Variants in SYTL5 observed in about 807,000 individuals in gnomAD.
SYTL5 encodes the protein synaptotagmin-like protein 5.
In SYTL5, 34 loss-of-function variants were observed where a neutral mutation model predicts 55.9. The observed-to-expected ratio is 0.61, with a 90% CI of 0.46 to 0.81. SYTL5 has a LOEUF of 0.81. Among genes scored for constraint, SYTL5 ranks in the 30% least tolerant of loss-of-function variants. The pLI, the probability that SYTL5 is intolerant of heterozygous loss-of-function variation, is 0.00. For synonymous variants in SYTL5, 221 were observed against 188.7 expected (o/e 1.17, Z -1.40); for missense variants, 637 against 546.7 (o/e 1.17, Z -1.65).
the SYTL5 span, among the ~76,000 whole-genome samples, chrX:37,908,731 C>T: frequency 5.5e-5 from 6 of 108,660 alleles, no homozygotes; most frequent in South Asian, 2.3e-3. Context: ...CTGCACCTTG[C>T]CTGTGTGTGT....
chrX:38,039,823 C>T (rs1434039027), intron 2 of SYTL5, among the ~76,000 whole-genome samples: 2 of 111,847 alleles, frequency 1.8e-5, no homozygotes, highest in Non-Finnish European at 3.8e-5. Flanking sequence ...TTTTATTCAG[C>T]TCTAGCAGTG....
chrX:38,058,201 G>C, intron 3 of SYTL5, among the ~76,000 whole-genome samples: 1 of 111,116 alleles, frequency 9.0e-6, no homozygotes. Context: ...GAGTATCCTA[G>C]ATAACTCTAT....
chrX:37,898,928 G>C, the SYTL5 span, among the ~76,000 whole-genome samples: 5 of 111,739 alleles, frequency 4.5e-5, no homozygotes, highest in Non-Finnish European at 9.4e-5. Context: ...TCTCACCTAA[G>C]AGCCCACATT....
the SYTL5 span, chrX:37,990,695 A>G: frequency 1.2e-6 from 1 of 851,264 alleles, no homozygotes; most frequent in Non-Finnish European, 1.6e-6. Context: ...AAGTCTAGGG[A>G]TGTCACAAAG....
intron 6 of SYTL5, among the ~76,000 whole-genome samples, chrX:38,087,260 A>G (rs920121586): frequency 1.8e-5 from 2 of 111,820 alleles, no homozygotes; most frequent in Non-Finnish European, 1.9e-5. Context: ...TGTTCTAAAG[A>G]ACCTATGGTC....
chrX:38,103,990 C>G (rs902963225), intron 10 of SYTL5, among the ~76,000 whole-genome samples: 3 of 111,734 alleles, frequency 2.7e-5, no homozygotes, highest in Non-Finnish European at 5.7e-5. Flanking sequence ...TATTACTTAC[C>G]ACTAATAGGA....
At chrX:37,995,439 G>A in the SYTL5 span, among the ~76,000 whole-genome samples, 1 of 111,851 alleles carries the variant, frequency 8.9e-6, no homozygotes, top group Non-Finnish European at 1.9e-5. Context: ...CTTGCCACAT[G>A]ATTTCCACTG....
rs778815414 is a variant in SYTL5 at position 38,122,102 on chromosome X, AAAG to A, written c.1735_1737del (p.Lys579del). 1.9e-4 allele frequency: 230 copies of A among 1,191,886 alleles called. 2 individuals are homozygous for A. The East Asian group carries it at 6.4e-3, about 33-fold the overall frequency. On this transcript the variant is annotated inframe_deletion, in exon 15 of 17. Coordinates refer to ENST00000297875, the MANE Select transcript of SYTL5 (RefSeq NM_138780.3). ...CAGGAAATAAGACTTTTAAAAAGGG[AAAG>A]AAGAAGGAGTCACCTGTAATCTCTG...
chrX:37,993,073 T>C, the SYTL5 span, among the ~76,000 whole-genome samples: 7 of 111,642 alleles, frequency 6.3e-5, no homozygotes, highest in East Asian at 2.0e-3. Flanking sequence ...AATAGACAAA[T>C]GGACAAAAGA....
At chrX:38,108,076 C>A (rs1175167390) in intron 11 of SYTL5, among the ~76,000 whole-genome samples, 1 of 111,847 alleles carries the variant, frequency 8.9e-6, no homozygotes, top group Non-Finnish European at 1.9e-5. Flanking sequence ...TTCTTTTACT[C>A]ACCCATTACC....
intron 7 of SYTL5, among the ~76,000 whole-genome samples, chrX:38,092,660 C>G (rs1936829440): frequency 9.0e-6 from 1 of 111,323 alleles, no homozygotes; most frequent in East Asian, 2.8e-4. Context: ...GTAGGTCTTC[C>G]TCTCTCAGTC....
chrX:38,122,098 A>G lies in SYTL5; in HGVS notation c.1724A>G (p.Lys575Arg), dbSNP rs200512943. The part of the protein sequence containing the change: ...EQLQGNKTFK[K>R]GKKKESPVIS... ...GACACAGGAAATAAGACTTTTAAAA[A>G]GGGAAAGAAGAAGGAGTCACCTGTA... The change falls in exon 15 of 17, where the codon AAG becomes AGG. Residue 575 changes from lysine to arginine, a missense_variant. Physicochemically the swap from Lys to Arg is conservative, Grantham distance 26. Coordinates refer to ENST00000297875, the MANE Select transcript of SYTL5 (RefSeq NM_138780.3). 6.7e-6 allele frequency: 8 copies of G among 1,186,782 alleles called. No individual in the cohort carries two copies. Among genetic ancestry groups the G allele is most frequent in the South Asian group, 3.9e-5 (2 of 51,413 alleles).
chrX:38,120,424 C>T lies in SYTL5; in HGVS notation c.1663C>T (p.Pro555Ser), dbSNP rs770179535. Residue 555 changes from proline (P) to serine (S), a missense_variant, in exon 14 of 17, where the codon CCC becomes TCC. Pro to Ser is a moderately conservative substitution (Grantham distance 74). Coordinates refer to ENST00000297875, the MANE Select transcript of SYTL5 (RefSeq NM_138780.3). ...GCTGACAGTTGTTTTACGTTACATT[C>T]CCCCAGAAGAGAACCTGATGCTTCC... ...GELTVVLRYI[P>S]PEENLMLPPE... The T allele has an allele frequency of 8.3e-7, 1 of 1,210,189 alleles. No homozygotes were observed. Among genetic ancestry groups the T allele is most frequent in the Admixed American group, 2.2e-5 (1 of 45,995 alleles).
At position 38,067,978 on chromosome X, in the gene SYTL5, A is replaced by G. The variant is rs187894117; in HGVS notation, c.330-4069A>G. ...TAAAAAATTTTACACAGCAAAAGAA[A>G]CTAACAGAGCAAACAGACAACCCAC... On this transcript the variant is annotated intron_variant, in intron 3 of 16. Coordinates refer to ENST00000297875, the MANE Select transcript of SYTL5 (RefSeq NM_138780.3). 8.4e-3 allele frequency among the ~76,000 whole-genome samples: 946 copies of G among 112,331 alleles called. 10 individuals are homozygous for G. The highest frequency in any genetic ancestry group is 0.029 in the African/African-American group (907 of 30,944).
chrX:37,982,686 A>G, the SYTL5 span, among the ~76,000 whole-genome samples: 366 of 111,751 alleles, frequency 3.3e-3, 1 homozygote, highest in African/African-American at 0.011. Flanking sequence ...GGTGGGAGAA[A>G]AGCCATATTG....
At chrX:37,978,704 A>C in the SYTL5 span, among the ~76,000 whole-genome samples, 1 of 112,026 alleles carries the variant, frequency 8.9e-6, no homozygotes, top group Admixed American at 9.5e-5. Flanking sequence ...AACTAATACC[A>C]TTTTGGTGTA....
At chrX:37,957,946 C>T in the SYTL5 span, among the ~76,000 whole-genome samples, 21 of 112,108 alleles carry the variant, frequency 1.9e-4, no homozygotes, top group East Asian at 2.5e-3. Flanking sequence ...TGGTGGCTCA[C>T]GCCTGTAATC....
chrX:38,080,318 C>T (rs972546447), intron 6 of SYTL5, among the ~76,000 whole-genome samples: 1 of 112,040 alleles, frequency 8.9e-6, no homozygotes, highest in African/African-American at 3.2e-5. Context: ...TTCTCAGTAG[C>T]GTTTCTATCA....
At chrX:38,099,737 G>C (rs1937036964) in intron 9 of SYTL5, among the ~76,000 whole-genome samples, 1 of 111,182 alleles carries the variant, frequency 9.0e-6, no homozygotes, top group African/African-American at 3.3e-5. Flanking sequence ...GTTTTATGTT[G>C]AGGTAAATTT....
Sources: gnomAD v4.1 joint callset for allele counts (sites outside exome capture counted in the v4.1 genomes callset) on GRCh38, gnomAD v4.1.1 for gene constraint, MANE v1.5 for transcripts, NCBI Gene and HGNC (gene_info 2026-07-23, HGNC 2026-07-21) for gene names.